ATG7: variants seen among roughly 807,000 people sequenced by gnomAD.
ATG7 encodes ubiquitin-like modifier-activating enzyme ATG7.
ATG7 carries 70 observed loss-of-function variants against 82.4 expected under a neutral mutation model. The ratio of observed to expected loss-of-function variants is 0.85; its 90% CI spans 0.70 to 1.04. The LOEUF is 1.04. Among genes scored for constraint, ATG7 ranks in the 50% least tolerant of loss-of-function variants. The pLI, the probability that ATG7 is intolerant of heterozygous loss-of-function variation, is 0.00. For synonymous variants in ATG7, 287 were observed against 313.0 expected, an observed-to-expected ratio of 0.92 and a Z score of 0.88; for missense variants, 792 against 864.3, an observed-to-expected ratio of 0.92 and a Z score of 1.05.
At chr3:11,450,294 A>G (rs557542286) in intron 20 of ATG7, among the ~76,000 whole-genome samples, 18 of 152,250 alleles carry the variant, frequency 1.2e-4, no homozygotes, top group South Asian at 6.2e-4. Flanking sequence ...TTTCTTACAT[A>G]TTAGTTGGGC....
At chr3:11,516,031 T>A (rs534065147) in intron 20 of ATG7, among the ~76,000 whole-genome samples, 193 of 135,218 alleles carry the variant, frequency 1.4e-3, no homozygotes, top group Non-Finnish European at 2.3e-3. Context: ...CATTCCTTTT[T>A]AAAAAAAAAA....
intron 19 of ATG7, among the ~76,000 whole-genome samples, chr3:11,395,704 G>C (rs1189564187): frequency 6.6e-6 from 1 of 152,110 alleles, no homozygotes. Flanking sequence ...ACTTTGGGAG[G>C]CCGAAGCGGG....
At chr3:11,484,250 C>T (rs2089354705) in intron 20 of ATG7, among the ~76,000 whole-genome samples, 2 of 152,118 alleles carry the variant, frequency 1.3e-5, no homozygotes. Flanking sequence ...AAAAATCAGC[C>T]AGGTATGGTG....
chr3:11,483,137 C>T (rs73139531), intron 20 of ATG7, among the ~76,000 whole-genome samples: 3,200 of 152,158 alleles, frequency 0.021, 75 homozygotes, highest in African/African-American at 0.058. Context: ...TTTAGAAATC[C>T]CTTTTCTGCT....
intron 5 of ATG7, among the ~76,000 whole-genome samples, chr3:11,300,065 C>A (rs1428719094): frequency 3.3e-5 from 5 of 152,022 alleles, no homozygotes; most frequent in Admixed American, 3.3e-4. Context: ...GCTGGGACTA[C>A]AAGCTCACGC....
At chr3:11,478,625 G>C (rs1574906642) in intron 20 of ATG7, among the ~76,000 whole-genome samples, 1 of 152,136 alleles carries the variant, frequency 6.6e-6, no homozygotes, top group Admixed American at 6.5e-5. Context: ...GAATCTGCAA[G>C]TGCAAAGGCA....
At chr3:11,385,356 T>G (rs1284968250) in intron 19 of ATG7, among the ~76,000 whole-genome samples, 1 of 152,216 alleles carries the variant, frequency 6.6e-6, no homozygotes, top group Non-Finnish European at 1.5e-5. Flanking sequence ...GAGAAACCTC[T>G]GTCCCAAAGC....
chr3:11,508,335 TAAAA>T (rs11324728), intron 20 of ATG7, among the ~76,000 whole-genome samples: 3 of 144,890 alleles, frequency 2.1e-5, no homozygotes, highest in Admixed American at 6.9e-5. Context: ...CTGATGAGCT[TAAAA>T]AAAAAAAAAA....
At chr3:11,479,247 G>T (rs765491966) in intron 20 of ATG7, among the ~76,000 whole-genome samples, 1 of 152,160 alleles carries the variant, frequency 6.6e-6, no homozygotes, top group Non-Finnish European at 1.5e-5. Flanking sequence ...CTTTCAAAAA[G>T]TGAATTGGGC....
chr3:11,455,826 A>G (rs1228754165), intron 20 of ATG7, among the ~76,000 whole-genome samples: 3 of 152,256 alleles, frequency 2.0e-5, no homozygotes, highest in South Asian at 4.2e-4. Context: ...TTCCCTACTC[A>G]TCAACCCCAC....
intron 7 of ATG7, among the ~76,000 whole-genome samples, chr3:11,312,136 A>G (rs1240148701): frequency 1.3e-5 from 2 of 152,138 alleles, no homozygotes; most frequent in East Asian, 3.8e-4. Context: ...AGAAACCACT[A>G]AATTGTATAC....
At chr3:11,453,946 G>T (rs1373104306) in intron 20 of ATG7, among the ~76,000 whole-genome samples, 1 of 152,184 alleles carries the variant, frequency 6.6e-6, no homozygotes, top group African/African-American at 2.4e-5. Context: ...AGGGTTTTAT[G>T]AGAATTATCT....
At chr3:11,504,263 G>A (rs572552737) in intron 20 of ATG7, among the ~76,000 whole-genome samples, 1 of 152,236 alleles carries the variant, frequency 6.6e-6, no homozygotes. Context: ...AACAATAAAG[G>A]GAAATTATAT....
rs145616556 is a variant in ATG7, at chr3:11,505,611, A to G, written c.2080-49200A>G. Among the ~76,000 whole-genome samples the G allele has an allele frequency of 2.8e-3, 434 of 152,330 alleles. 8 individuals carry two copies. The highest frequency in any genetic ancestry group is 0.019 in the Admixed American group (291 of 15,308). ...ACCTCCGACCGCAAAAGAGTCTTCTAAAGACCACTCTCAGCCCTCAAGGGT... is the reference window on the plus strand; with the variant it reads ...ACCTCCGACCGCAAAAGAGTCTTCTGAAGACCACTCTCAGCCCTCAAGGGT... On this transcript the variant is annotated intron_variant, in intron 20 of 20. Coordinates refer to ENST00000693202, the MANE Select transcript of ATG7 (RefSeq NM_001349232.2).
At chr3:11,544,783 C>G (rs2071129897) in intron 20 of ATG7, among the ~76,000 whole-genome samples, 1 of 152,198 alleles carries the variant, frequency 6.6e-6, no homozygotes, top group Non-Finnish European at 1.5e-5. Context: ...GAATCATATC[C>G]AGAACAGATG....
Position 11,340,524 on chromosome 3 carries a change from A to G in ATG7, c.890-121A>G, listed in dbSNP as rs1057205676. On this transcript the variant is annotated intron_variant, in intron 11 of 20. Transcript: ENST00000693202. Reference sequence around the variant, plus strand: ...AGTCTCTTTTAGAAAGAAGCAAACCAAAAGCTTGTCAATGCATGGGCCATT... The same window carrying G: ...AGTCTCTTTTAGAAAGAAGCAAACCGAAAGCTTGTCAATGCATGGGCCATT... 3.1e-5 allele frequency: 26 copies of G among 837,724 alleles called. 1 individual carries two copies. The South Asian group carries it at 3.8e-4, about 12-fold the overall frequency. The allele number at this position is 837,724 out of a possible 1,614,324, so 51.9% of individuals were successfully genotyped here. A position where few individuals can be genotyped will look rare whatever the true frequency, so the allele number is the denominator to read the frequency against.
At chr3:11,485,747 G>A (rs549472547) in intron 20 of ATG7, among the ~76,000 whole-genome samples, 1 of 152,288 alleles carries the variant, frequency 6.6e-6, no homozygotes, top group South Asian at 2.1e-4. Context: ...TCCAGTTTCA[G>A]CTTTCTACGT....
intron 20 of ATG7, among the ~76,000 whole-genome samples, chr3:11,496,916 G>A (rs937331515): frequency 3.3e-5 from 5 of 152,058 alleles, no homozygotes; most frequent in African/African-American, 1.2e-4. Flanking sequence ...CTGGAGTGCA[G>A]TGGTGTGATC....
chr3:11,475,977 T>G (rs1003354616), intron 20 of ATG7, among the ~76,000 whole-genome samples: 2 of 151,732 alleles, frequency 1.3e-5, no homozygotes, highest in African/African-American at 2.4e-5. Context: ...ATGTTTACAT[T>G]GGGGAAAAAA....
Sources: gnomAD v4.1 joint callset for allele counts (sites outside exome capture counted in the v4.1 genomes callset) on GRCh38, gnomAD v4.1.1 for gene constraint, MANE v1.5 for transcripts, NCBI Gene and HGNC (gene_info 2026-07-23, HGNC 2026-07-21) for gene names.